Variants in R3HDM2 observed in about 807,000 individuals in gnomAD.
The protein encoded by R3HDM2 is R3H domain containing 2.
In R3HDM2, 38 loss-of-function variants were observed where a neutral mutation model predicts 124.5. The observed-to-expected ratio is 0.31, with a 90% CI of 0.24 to 0.40. R3HDM2 has a LOEUF of 0.40. R3HDM2 is among the 10% of genes least tolerant of loss of function. R3HDM2 has a pLI of 1.00. For synonymous variants in R3HDM2, 391 were observed against 448.0 expected, an observed-to-expected ratio of 0.87 and a Z score of 1.61; for missense variants, 869 against 1,236.9, an observed-to-expected ratio of 0.70 and a Z score of 4.46.
chr12:57,281,037 C>A lies in R3HDM2; in HGVS notation c.1172-507G>T, dbSNP rs551483692. 2.8e-4 allele frequency among the ~76,000 whole-genome samples: 43 copies of A among 152,240 alleles called. No homozygotes were observed. The South Asian group carries it at 7.5e-3, about 26-fold the overall frequency. ...GTGGCTCATGCCTGTAATCCCAGCA[C>A]TTTGCGAGGCTGAGGCGGGTGGATC... is the stretch of plus-strand genomic sequence containing the variant. On this transcript the variant is annotated intron_variant, in intron 13 of 23. Transcript: ENST00000402412.
chr12:57,311,007 A>G (rs2053798194), intron 2 of R3HDM2, among the ~76,000 whole-genome samples: 1 of 152,192 alleles, frequency 6.6e-6, no homozygotes, highest in Admixed American at 6.5e-5. Flanking sequence ...ATTTGCGCAC[A>G]TTTCTGGCTC....
rs557765703 is a variant in R3HDM2 at position 57,280,307 on chromosome 12, A to G, written c.1344+51T>C. ...ACAAGAGACATGACGGTACATCTAAAGTTTGCTTGAATCAGAGTGGAGAGG... is the reference window on the plus strand; with the variant it reads ...ACAAGAGACATGACGGTACATCTAAGGTTTGCTTGAATCAGAGTGGAGAGG... On this transcript the variant is annotated intron_variant, in intron 14 of 23. Coordinates refer to ENST00000402412, the MANE Select transcript of R3HDM2 (RefSeq NM_001394031.1). 1.4e-5 allele frequency: 21 copies of G among 1,545,772 alleles called. No individual in the cohort carries two copies. The East Asian group carries it at 3.9e-4, about 29-fold the overall frequency.
intron 1 of R3HDM2, among the ~76,000 whole-genome samples, chr12:57,412,449 T>C (rs1217296784): frequency 6.6e-6 from 1 of 151,132 alleles, no homozygotes; most frequent in Non-Finnish European, 1.5e-5. Context: ...GAGGCTGAGG[T>C]GGGAGAATCA....
intron 1 of R3HDM2, among the ~76,000 whole-genome samples, chr12:57,404,530 T>C (rs1437451879): frequency 6.6e-6 from 1 of 151,808 alleles, no homozygotes; most frequent in Non-Finnish European, 1.5e-5. Flanking sequence ...ACCTCGTCTC[T>C]ATTAAAAATA....
At chr12:57,364,785 T>A (rs2137714160) in intron 2 of R3HDM2, among the ~76,000 whole-genome samples, 1 of 150,646 alleles carries the variant, frequency 6.6e-6, no homozygotes, top group South Asian at 2.1e-4. Flanking sequence ...AAACCCTGTC[T>A]CTACTTAAAA....
intron 1 of R3HDM2, among the ~76,000 whole-genome samples, chr12:57,403,428 G>A (rs771588016): frequency 7.3e-5 from 11 of 151,310 alleles, no homozygotes; most frequent in Non-Finnish European, 1.3e-4. Flanking sequence ...GGAGGCGGAG[G>A]TTGTAGTGAG....
intron 12 of R3HDM2, among the ~76,000 whole-genome samples, chr12:57,288,396 C>A (rs10876969): frequency 0.1 from 14,992 of 150,232 alleles, 867 homozygotes; most frequent in African/African-American, 0.16. Flanking sequence ...CTCTCTCTCT[C>A]TATATATATA....
intron 1 of R3HDM2, among the ~76,000 whole-genome samples, chr12:57,396,809 G>A (rs916488183): frequency 6.6e-6 from 1 of 150,638 alleles, no homozygotes; most frequent in African/African-American, 2.4e-5. Flanking sequence ...AGTCTAGGCT[G>A]CGCATGGTGG....
chr12:57,357,648 T>C (rs1275887002), intron 2 of R3HDM2, among the ~76,000 whole-genome samples: 1 of 147,002 alleles, frequency 6.8e-6, no homozygotes, highest in Non-Finnish European at 1.5e-5. Context: ...TTGCTGATTT[T>C]TTTTTTTTTT....
chr12:57,350,411 G>C (rs1484185802), intron 2 of R3HDM2, among the ~76,000 whole-genome samples: 1 of 152,032 alleles, frequency 6.6e-6, no homozygotes, highest in Non-Finnish European at 1.5e-5. Context: ...AAGCTTACAT[G>C]AGTGAAGAGA....
intron 2 of R3HDM2, among the ~76,000 whole-genome samples, chr12:57,362,987 GT>G (rs2062130957): frequency 6.6e-6 from 1 of 151,866 alleles, no homozygotes; most frequent in South Asian, 2.1e-4. Context: ...TGCCCAGCTA[GT>G]TTTTTTGTAT....
chr12:57,421,366 T>C (rs955043633), intron 1 of R3HDM2, among the ~76,000 whole-genome samples: 1 of 151,050 alleles, frequency 6.6e-6, no homozygotes, highest in Non-Finnish European at 1.5e-5. Context: ...GTCAAGCTGG[T>C]CTCCAACTCC....
At chr12:57,387,616 A>G (rs1431619131) in intron 2 of R3HDM2, among the ~76,000 whole-genome samples, 3 of 152,206 alleles carry the variant, frequency 2.0e-5, no homozygotes, top group African/African-American at 7.2e-5. Context: ...CTCTCTGGAG[A>G]TTTCAATCAT....
chr12:57,267,669 G>A lies in R3HDM2; in HGVS notation c.2030+634C>T, dbSNP rs118066113. On this transcript the variant is annotated intron_variant, in intron 18 of 23. Coordinates refer to ENST00000402412, the MANE Select transcript of R3HDM2 (RefSeq NM_001394031.1). ...TATATAGAAAAAGACAAAGGTAAATGCACATATACTGGGAGACAGGCATAC... is the reference window on the plus strand; with the variant it reads ...TATATAGAAAAAGACAAAGGTAAATACACATATACTGGGAGACAGGCATAC... Among the ~76,000 whole-genome samples, 52 of 152,298 alleles carry A rather than the reference G, an allele frequency of 3.4e-4. 1 individual carries two copies. The East Asian group carries it at 9.4e-3, about 28-fold the overall frequency.
intron 2 of R3HDM2, among the ~76,000 whole-genome samples, chr12:57,337,825 CTAA>C (rs1345358681): frequency 6.6e-6 from 1 of 152,194 alleles, no homozygotes; most frequent in Non-Finnish European, 1.5e-5. Context: ...TCTTTCTCAA[CTAA>C]TAATAGCAGC....
At chr12:57,395,953 C>T (rs1218399939) in intron 1 of R3HDM2, 135 bp from the exon 2 acceptor site, 1 of 209,946 alleles carries the variant, frequency 4.8e-6, no homozygotes, top group Non-Finnish European at 8.3e-6. Context: ...AATGTTTCCC[C>T]TAACACTGCC....
chr12:57,315,720 C>T (rs191044038), intron 2 of R3HDM2, among the ~76,000 whole-genome samples: 42 of 152,298 alleles, frequency 2.8e-4, no homozygotes, highest in Admixed American at 9.8e-4. Context: ...TCAAGTTTTA[C>T]GGAGACACAT....
chr12:57,413,845 C>T (rs56152729), intron 1 of R3HDM2, among the ~76,000 whole-genome samples: 1 of 121,262 alleles, frequency 8.2e-6, no homozygotes, highest in South Asian at 3.3e-4. Flanking sequence ...GTAATCCCCC[C>T]CCTTTTTTTT....
chr12:57,355,543 C>CT (rs2061189120), intron 2 of R3HDM2, among the ~76,000 whole-genome samples: 1 of 151,662 alleles, frequency 6.6e-6, no homozygotes, highest in African/African-American at 2.4e-5. Context: ...CTTGGCAACT[C>CT]TGTCAAAAAT....
Sources: gnomAD v4.1 joint callset for allele counts (sites outside exome capture counted in the v4.1 genomes callset) on GRCh38, gnomAD v4.1.1 for gene constraint, MANE v1.5 for transcripts, NCBI Gene and HGNC (gene_info 2026-07-23, HGNC 2026-07-21) for gene names.